The following PHEX variants were observed in gnomAD, a reference collection of about 807,000 sequenced individuals.
PHEX encodes phosphate-regulating neutral endopeptidase PHEX.
In PHEX, 16 loss-of-function variants were observed where a neutral mutation model predicts 68.0. That is an observed-to-expected ratio of 0.24 (90% CI 0.16 to 0.36). The LOEUF (loss-of-function observed/expected upper bound fraction) is 0.36, where lower values mean the gene tolerates loss of function less well. PHEX is among the 10% of genes least tolerant of loss of function. The pLI, the probability that PHEX is intolerant of heterozygous loss-of-function variation, is 1.00. For synonymous variants in PHEX, 208 were observed against 205.1 expected, an observed-to-expected ratio of 1.01 and a Z score of -0.12; for missense variants, 480 against 575.5, an observed-to-expected ratio of 0.83 and a Z score of 1.70.
chrX:22,062,805 G>C (rs1437312034), intron 3 of PHEX, among the ~76,000 whole-genome samples: 2 of 111,356 alleles, frequency 1.8e-5, no homozygotes, highest in Non-Finnish European at 3.8e-5. Context: ...CTGTTGCCCA[G>C]GCTGTAGTGC....
At chrX:22,152,002 C>G (rs1181391900) in intron 12 of PHEX, among the ~76,000 whole-genome samples, 1 of 112,018 alleles carries the variant, frequency 8.9e-6, no homozygotes, top group Non-Finnish European at 1.9e-5. Flanking sequence ...GTTACTAATG[C>G]AGATGTGGTC....
chrX:22,106,318 A>T (rs1387301807), intron 9 of PHEX, among the ~76,000 whole-genome samples: 1 of 111,898 alleles, frequency 8.9e-6, no homozygotes, highest in Admixed American at 9.5e-5. Flanking sequence ...TCTCAGCATT[A>T]CAGCTTCCAG....
At position 22,249,455 on chromosome X, in the gene PHEX, A is replaced by ATATATATAT. The variant is rs1555900710; in HGVS notation, c.*1502_*1503insTATATATAT. 59 of 39,746 alleles carry ATATATATAT rather than the reference A, an allele frequency of 1.5e-3. No homozygotes were observed. Among genetic ancestry groups the ATATATATAT allele is most frequent in the African/African-American group, 2.7e-3 (16 of 6,015 alleles). 3.3% of individuals were successfully genotyped at this position (39,746 alleles called of 1,213,427 possible). On this transcript the variant is annotated 3_prime_UTR_variant, in exon 22 of 22. Transcript: ENST00000379374. ...TTGTGATTCTTTTAAAAAAAAAAAA[A>ATATATATAT]ATATATATATATATATATATATATA...
At chrX:22,206,135 A>C (rs745843800) in intron 15 of PHEX, among the ~76,000 whole-genome samples, 1 of 112,541 alleles carries the variant, frequency 8.9e-6, no homozygotes, top group East Asian at 2.8e-4. Flanking sequence ...GAATGGAACC[A>C]ACAAATTCTT....
At chrX:22,201,526 G>A (rs1934556642) in intron 15 of PHEX, among the ~76,000 whole-genome samples, 1 of 110,209 alleles carries the variant, frequency 9.1e-6, no homozygotes, top group Non-Finnish European at 1.9e-5. Flanking sequence ...TGGTCTAGTT[G>A]AGGAATTTGG....
At chrX:22,088,791 T>C (rs1929729921) in intron 5 of PHEX, among the ~76,000 whole-genome samples, 1 of 111,932 alleles carries the variant, frequency 8.9e-6, no homozygotes, top group African/African-American at 3.2e-5. Flanking sequence ...AGAGCAAATT[T>C]GTTCAATGTC....
chrX:22,072,592 T>G (rs1419892544), intron 3 of PHEX, among the ~76,000 whole-genome samples: 1 of 111,887 alleles, frequency 8.9e-6, no homozygotes, highest in African/African-American at 3.3e-5. Flanking sequence ...ATGGGATATT[T>G]TATAATATAT....
intron 20 of PHEX, among the ~76,000 whole-genome samples, chrX:22,230,443 CTTATTTCCT>C (rs1475183822): frequency 1.1e-5 from 1 of 91,902 alleles, no homozygotes; most frequent in Non-Finnish European, 2.2e-5. Flanking sequence ...TGTGTTCTCT[CTTATTTCCT>C]TGAGCAGTGG....
chrX:22,193,454 A>T (rs1475212118), intron 15 of PHEX, among the ~76,000 whole-genome samples: 1 of 110,410 alleles, frequency 9.1e-6, no homozygotes, highest in Non-Finnish European at 1.9e-5. Context: ...TTGTTTTTTT[A>T]AAATAAAACT....
At chrX:22,242,649 G>T (rs1374714833) in intron 20 of PHEX, among the ~76,000 whole-genome samples, 13 of 111,590 alleles carry the variant, frequency 1.2e-4, no homozygotes, top group Admixed American at 6.7e-4. Flanking sequence ...CAAACAGAGA[G>T]CCAAATCATG....
chrX:22,126,620 A>T (rs761895409), intron 11 of PHEX, among the ~76,000 whole-genome samples: 1 of 111,437 alleles, frequency 9.0e-6, no homozygotes. Flanking sequence ...ATTTGCTAAG[A>T]TAGGAGCATC....
intron 18 of PHEX, among the ~76,000 whole-genome samples, chrX:22,225,603 G>A: frequency 8.9e-6 from 1 of 112,188 alleles, no homozygotes; most frequent in Non-Finnish European, 1.9e-5. Context: ...CATGGGCATG[G>A]CTGTGTCCCA....
chrX:22,179,900 T>A (rs7891540), intron 14 of PHEX, among the ~76,000 whole-genome samples: 40,855 of 109,807 alleles, frequency 0.37, 6,171 homozygotes, highest in African/African-American at 0.54. Context: ...TTAATTAATT[T>A]TTTTTTACAG....
intron 3 of PHEX, among the ~76,000 whole-genome samples, chrX:22,062,078 G>A (rs753142858): frequency 4.5e-5 from 5 of 111,126 alleles, no homozygotes; most frequent in Non-Finnish European, 9.4e-5. Context: ...CACGAGAACA[G>A]CATGGGGGAA....
chrX:22,213,034 C>A, intron 16 of PHEX, 76 bp downstream of exon 16: 1 of 788,637 alleles, frequency 1.3e-6, no homozygotes, highest in Non-Finnish European at 2.0e-6. Flanking sequence ...ACAGAAGAAA[C>A]AAAGTCAAAG....
chrX:22,039,366 A>T (rs751422005), intron 2 of PHEX, among the ~76,000 whole-genome samples: 31 of 112,214 alleles, frequency 2.8e-4, no homozygotes, highest in Non-Finnish European at 5.8e-4. Flanking sequence ...ATGAGTGTTT[A>T]AAGTGGCCGC....
intron 4 of PHEX, 128 bp downstream of exon 4, chrX:22,076,602 A>G: frequency 3.8e-6 from 2 of 523,601 alleles, no homozygotes; most frequent in Non-Finnish European, 6.7e-6. Context: ...AAAGGTGTTA[A>G]AGGAATGATT....
intron 20 of PHEX, among the ~76,000 whole-genome samples, chrX:22,233,317 G>C (rs932186703): frequency 8.1e-5 from 9 of 111,274 alleles, no homozygotes; most frequent in Admixed American, 1.9e-4. Context: ...GAGTATCTTA[G>C]TGGTGTTTTC....
intron 12 of PHEX, among the ~76,000 whole-genome samples, chrX:22,143,740 C>T (rs1284284452): frequency 8.9e-6 from 1 of 112,422 alleles, no homozygotes; most frequent in Non-Finnish European, 1.9e-5. Flanking sequence ...CATGTATCTT[C>T]TCATTCTGTT....
Sources: allele counts gnomAD v4.1 joint callset (sites outside exome capture counted in the v4.1 genomes callset), GRCh38; gene constraint gnomAD v4.1.1; transcripts MANE v1.5; gene names NCBI Gene and HGNC (gene_info 2026-07-23, HGNC 2026-07-21).